HK1: variants seen among roughly 807,000 people sequenced by gnomAD.
HK1 encodes the protein hexokinase 1, also known as hexokinase-1.
A neutral mutation model predicts 91.6 loss-of-function variants in HK1; 28 were observed. The observed-to-expected ratio is 0.31, with a 90% confidence interval of 0.23 to 0.42. HK1 has a LOEUF of 0.42. HK1 is among the 10% of genes least tolerant of loss of function. The pLI is 1.00. For synonymous variants in HK1, 430 were observed against 468.1 expected (o/e 0.92, Z 1.05); for missense variants, 770 against 1,219.8 (o/e 0.63, Z 5.49).
At chr10:69,350,095 G>T (rs1393782873) in intron 2 of HK1, among the ~76,000 whole-genome samples, 2 of 152,162 alleles carry the variant, frequency 1.3e-5, no homozygotes, top group Non-Finnish European at 1.5e-5. Flanking sequence ...TGTGCAAAGA[G>T]CAGGCCTTGC....
Position 69,293,060 on chromosome 10 carries a change from G to A in HK1, c.-114-2573G>A, listed in dbSNP as rs114826030. Among the ~76,000 whole-genome samples, 991 of 152,246 alleles carry A rather than the reference G, an allele frequency of 6.5e-3. 18 individuals carry two copies. Among genetic ancestry groups the A allele is most frequent in the African/African-American group, 0.023 (943 of 41,558 alleles). On this transcript the variant is annotated intron_variant, in intron 3 of 21. Coordinates refer to the HK1 transcript ENST00000360289. The stretch of plus-strand genomic sequence containing the variant: ...TTGGCCTCCACTGGCTCCAGAGCAG[G>A]CATGCTGGCTACACTCCCAACACTC...
chr10:69,284,533 G>A (rs1243216998), intron 2 of HK1, among the ~76,000 whole-genome samples: 7 of 152,172 alleles, frequency 4.6e-5, no homozygotes, highest in East Asian at 1.9e-4. Flanking sequence ...AGCTGCTTAA[G>A]CCAAGTGGAG....
chr10:69,327,119 C>T (rs1315284940), intron 1 of HK1, among the ~76,000 whole-genome samples: 1 of 151,292 alleles, frequency 6.6e-6, no homozygotes, highest in Non-Finnish European at 1.5e-5. Flanking sequence ...ATCCTCCTGC[C>T]TCAGCCTCCT....
upstream of HK1, among the ~76,000 whole-genome samples, chr10:69,311,437 C>T (rs11812791): frequency 3.3e-5 from 5 of 152,098 alleles, no homozygotes; most frequent in Non-Finnish European, 7.4e-5. Flanking sequence ...CTGTGAAGGT[C>T]GTTGTGTGTG....
chr10:69,332,385 T>TCTTTCTTTCTTTCTTTCTTTCTTTCTTTC (rs59129383), intron 1 of HK1, among the ~76,000 whole-genome samples: 4 of 133,358 alleles, frequency 3.0e-5, no homozygotes, highest in Non-Finnish European at 6.2e-5. Flanking sequence ...TTCTTTCTTT[T>TCTTTCTTTCTTTCTTTCTTTCTTTCTTTC]TTTCTTTTTT....
At chr10:69,397,162 C>T (rs1017255963) in intron 16 of HK1, among the ~76,000 whole-genome samples, 10 of 152,174 alleles carry the variant, frequency 6.6e-5, no homozygotes, top group East Asian at 3.9e-4. Context: ...TGTGTGTGTA[C>T]GCACCCCAAG....
rs375490111 is a variant in HK1, at chr10:69,303,843, G to A, written c.27+2982G>A. Among the ~76,000 whole-genome samples, 10 of 152,340 alleles carry A rather than the reference G, an allele frequency of 6.6e-5. No homozygotes were observed. The East Asian group carries it at 1.7e-3, about 26-fold the overall frequency. On this transcript the variant is annotated intron_variant, in intron 5 of 21. Transcript: ENST00000360289. Reference sequence around the variant, plus strand: ...TACTATTACTCAAATCAGTCTCCTTGAGCATTTGGGGATTGGAGTTTTAAG... The same window carrying A: ...TACTATTACTCAAATCAGTCTCCTTAAGCATTTGGGGATTGGAGTTTTAAG...
chr10:69,325,471 C>T (rs1301198628), intron 1 of HK1, among the ~76,000 whole-genome samples: 1 of 151,864 alleles, frequency 6.6e-6, no homozygotes, highest in Admixed American at 6.6e-5. Flanking sequence ...GATTCTCCTG[C>T]CTCAGCCTCC....
chr10:69,326,211 T>C (rs574614326), intron 1 of HK1, among the ~76,000 whole-genome samples: 3 of 152,052 alleles, frequency 2.0e-5, no homozygotes, highest in Non-Finnish European at 4.4e-5. Flanking sequence ...GTATGAATTA[T>C]ATATATATGT....
intron 3 of HK1, chr10:69,292,215 C>T (rs965132018): frequency 4.4e-5 from 14 of 316,052 alleles, no homozygotes; most frequent in Non-Finnish European, 7.0e-5. Flanking sequence ...GGACTAGAGG[C>T]GTGTGCCCCC....
chr10:69,286,911 G>A (rs1467897078), intron 2 of HK1, among the ~76,000 whole-genome samples: 1 of 152,168 alleles, frequency 6.6e-6, no homozygotes, highest in African/African-American at 2.4e-5. Flanking sequence ...GAAGCTCATA[G>A]AGAAACCAGG....
intron 13 of HK1, among the ~76,000 whole-genome samples, chr10:69,387,625 C>T (rs183197575): frequency 1.3e-5 from 2 of 152,102 alleles, no homozygotes; most frequent in African/African-American, 2.4e-5. Context: ...CTCCAGTGAT[C>T]CTCCTGCCTC....
intron 9 of HK1, among the ~76,000 whole-genome samples, chr10:69,381,968 A>G (rs906482021): frequency 6.6e-6 from 1 of 152,250 alleles, no homozygotes; most frequent in African/African-American, 2.4e-5. Context: ...ATACTCATGT[A>G]ATAATGAGAG....
At chr10:69,333,339 A>T (rs1244604517) in intron 1 of HK1, among the ~76,000 whole-genome samples, 1 of 152,196 alleles carries the variant, frequency 6.6e-6, no homozygotes, top group African/African-American at 2.4e-5. Context: ...GTGCTGGGAC[A>T]GTGGGAATTG....
chr10:69,282,184 G>A lies in HK1; in HGVS notation c.-390-345G>A, dbSNP rs2132431400. Among the ~76,000 whole-genome samples the A allele has an allele frequency of 1.3e-5, 2 of 152,258 alleles. 1 individual carries two copies. Among genetic ancestry groups the A allele is most frequent in the South Asian group, 4.1e-4 (2 of 4,824 alleles). ...TCCTAATCTTGTTGGGACACTTCCA[G>A]GAATCAGGGCACATGAAGTCCTTAG... On this transcript the variant is annotated intron_variant, in intron 1 of 21. Coordinates refer to the HK1 transcript ENST00000360289.
At chr10:69,331,355 A>C (rs1404745583) in intron 1 of HK1, among the ~76,000 whole-genome samples, 1 of 152,232 alleles carries the variant, frequency 6.6e-6, no homozygotes. Context: ...CGTGTTCTAC[A>C]TTTCAGCGGC....
intron 1 of HK1, among the ~76,000 whole-genome samples, chr10:69,275,646 T>C (rs903203789): frequency 6.6e-6 from 1 of 152,228 alleles, no homozygotes; most frequent in African/African-American, 2.4e-5. Context: ...AAACTTTATT[T>C]ACAAAAATAA....
At chr10:69,342,409 C>T (rs1001936029) in intron 1 of HK1, among the ~76,000 whole-genome samples, 9 of 152,104 alleles carry the variant, frequency 5.9e-5, no homozygotes, top group Admixed American at 1.3e-4. Flanking sequence ...TGGACATCTT[C>T]AGGAGGAAGT....
At chr10:69,350,544 C>T (rs1485236351) in intron 2 of HK1, among the ~76,000 whole-genome samples, 1 of 151,962 alleles carries the variant, frequency 6.6e-6, no homozygotes, top group African/African-American at 2.4e-5. Context: ...TGCCTGTAGA[C>T]CCAGCTACTC....
Sources: gnomAD v4.1 joint callset for allele counts (sites outside exome capture counted in the v4.1 genomes callset) on GRCh38, gnomAD v4.1.1 for gene constraint, MANE v1.5 for transcripts, NCBI Gene and HGNC (gene_info 2026-07-23, HGNC 2026-07-21) for gene names.